Variants in MTAP observed in about 807,000 individuals in gnomAD.
The protein encoded by MTAP is methylthioadenosine phosphorylase.
Under a neutral mutation model 33.6 loss-of-function variants are expected in MTAP, and 33 were observed. That is an observed-to-expected ratio of 0.98 (90% CI 0.74 to 1.31). MTAP has a LOEUF of 1.31. Ranked by LOEUF, MTAP falls within the 40% of genes most tolerant of loss-of-function variation. The pLI is 0.00. For missense variants in MTAP, 367 were observed against 360.0 expected, an observed-to-expected ratio of 1.02 and a Z score of -0.16; for synonymous variants, 148 against 125.7, an observed-to-expected ratio of 1.18 and a Z score of -1.19.
chr9:21,831,335 G>T (rs1368885759), intron 4 of MTAP, among the ~76,000 whole-genome samples: 1 of 151,924 alleles, frequency 6.6e-6, no homozygotes, highest in Admixed American at 6.6e-5. Flanking sequence ...TGCCCACATT[G>T]TATTTTTTTG....
At chr9:21,909,627 C>T (rs1292340605) in intron 1 of MTAP, among the ~76,000 whole-genome samples, 1 of 152,018 alleles carries the variant, frequency 6.6e-6, no homozygotes, top group Non-Finnish European at 1.5e-5. Flanking sequence ...AGCCTAGATG[C>T]CCATTCAGTG....
rs116662661 is a variant in MTAP, at chr9:21,842,853, G to A, written c.450+4843G>A. 8.2e-3 allele frequency among the ~76,000 whole-genome samples: 1,246 copies of A among 152,210 alleles called. 13 individuals carry two copies. Among genetic ancestry groups the A allele is most frequent in the African/African-American group, 0.026 (1,090 of 41,536 alleles). Reference sequence around the variant, plus strand: ...ACCTATAAAACAATAATACAATGGTGAAAGAACAACGTCTTTAGGCAAAAG... The same window carrying A: ...ACCTATAAAACAATAATACAATGGTAAAAGAACAACGTCTTTAGGCAAAAG... On this transcript the variant is annotated intron_variant, in intron 5 of 7. Coordinates refer to ENST00000644715, the MANE Select transcript of MTAP (RefSeq NM_002451.4).
chr9:21,930,858 GGTTA>G (rs1456019317), intron 1 of MTAP: 4 of 649,258 alleles, frequency 6.2e-6, no homozygotes, highest in African/African-American at 5.5e-5. Flanking sequence ...AGCCTCTCGT[GGTTA>G]GTTAGATTGG....
At chr9:21,926,456 G>A (rs531087423) in intron 1 of MTAP, among the ~76,000 whole-genome samples, 6 of 152,174 alleles carry the variant, frequency 3.9e-5, no homozygotes, top group African/African-American at 1.4e-4. Context: ...TCTAGGAGAA[G>A]TACCCCCAGA....
At chr9:21,838,682 C>T (rs981136960) in intron 5 of MTAP, among the ~76,000 whole-genome samples, 1 of 152,182 alleles carries the variant, frequency 6.6e-6, no homozygotes, top group East Asian at 1.9e-4. Context: ...CCCACAAGGG[C>T]CAGTGGTGGT....
chr9:21,803,662 C>T (rs1403548056), intron 1 of MTAP, among the ~76,000 whole-genome samples: 1 of 152,014 alleles, frequency 6.6e-6, no homozygotes, highest in Non-Finnish European at 1.5e-5. Flanking sequence ...AATTACAGCA[C>T]GTAAAGAAAA....
chr9:21,833,078 A>C (rs759492966), intron 4 of MTAP, among the ~76,000 whole-genome samples: 2 of 152,210 alleles, frequency 1.3e-5, no homozygotes, highest in African/African-American at 2.4e-5. Context: ...ACTGGGATAT[A>C]AACATCCATT....
intron 1 of MTAP, among the ~76,000 whole-genome samples, chr9:21,814,757 CTGAG>C (rs1243947517): frequency 1.3e-5 from 2 of 152,160 alleles, no homozygotes; most frequent in Middle Eastern, 3.4e-3. Context: ...AATGTATTTA[CTGAG>C]TAATATACAT....
At chr9:21,889,033 A>C (rs926641710) in intron 1 of MTAP, among the ~76,000 whole-genome samples, 46 of 152,116 alleles carry the variant, frequency 3.0e-4, no homozygotes, top group Admixed American at 1.0e-3. Context: ...GATCTCTAGC[A>C]AAGCCAGGGA....
rs1011487766 is a variant in MTAP at position 21,915,255 on chromosome 9, A to AT, written c.148-15744dup. ...AGGCACCCGCCACCACGCCCGGCTAATTTTTTTTTGTATTTTTAGTAGAGA... is the reference window on the plus strand; with the variant it reads ...AGGCACCCGCCACCACGCCCGGCTAATTTTTTTTTTGTATTTTTAGTAGAGA... On this transcript the variant is annotated intron_variant, in intron 1 of 1. Transcript: ENST00000577563. Among the ~76,000 whole-genome samples, 80 of 149,464 alleles carry AT rather than the reference A, an allele frequency of 5.4e-4. No homozygotes were observed. The East Asian group carries it at 6.9e-3, about 13-fold the overall frequency.
chr9:21,900,340 T>A (rs1192221144), intron 1 of MTAP, among the ~76,000 whole-genome samples: 1 of 151,638 alleles, frequency 6.6e-6, no homozygotes, highest in African/African-American at 2.4e-5. Flanking sequence ...GAAAAAAATT[T>A]AAAAATGGGC....
chr9:21,825,070 C>T (rs1220875825), intron 4 of MTAP, among the ~76,000 whole-genome samples: 1 of 152,192 alleles, frequency 6.6e-6, no homozygotes, highest in Non-Finnish European at 1.5e-5. Flanking sequence ...ATGCCTCACC[C>T]TGCTTTGGCT....
At chr9:21,853,117 C>T (rs568050854) in intron 5 of MTAP, among the ~76,000 whole-genome samples, 96 of 152,208 alleles carry the variant, frequency 6.3e-4, no homozygotes, top group Non-Finnish European at 1.0e-3. Flanking sequence ...ATTTCTTCCT[C>T]CTCCTCATAA....
rs999916363 is a variant in MTAP at position 21,866,468 on chromosome 9, C to T, written c.*4454C>T. ...GCCTACTCATTTAATTACCTGTGTG[C>T]CCTTGTCAAAATCATTTAATTTTGA... On this transcript the variant is annotated 3_prime_UTR_variant, in exon 8 of 8. Coordinates refer to ENST00000644715, the MANE Select transcript of MTAP (RefSeq NM_002451.4). 9.9e-5 allele frequency: 15 copies of T among 151,902 alleles called. No homozygotes were observed. The highest frequency in any genetic ancestry group is 3.6e-4 in the African/African-American group (15 of 41,324). 9.4% of individuals were successfully genotyped at this position (151,902 alleles called of 1,614,324 possible).
At chr9:21,896,094 A>T (rs1420112599) in intron 1 of MTAP, among the ~76,000 whole-genome samples, 1 of 152,260 alleles carries the variant, frequency 6.6e-6, no homozygotes, top group African/African-American at 2.4e-5. Flanking sequence ...ACTAGAACTC[A>T]GGATTAAGAA....
intron 1 of MTAP, among the ~76,000 whole-genome samples, chr9:21,896,129 A>G (rs1053632101): frequency 6.6e-6 from 1 of 152,238 alleles, no homozygotes; most frequent in Non-Finnish European, 1.5e-5. Flanking sequence ...GCTCAACTAC[A>G]TGGAAACTGA....
intron 1 of MTAP, among the ~76,000 whole-genome samples, chr9:21,884,161 A>G (rs571423990): frequency 6.6e-6 from 1 of 152,316 alleles, no homozygotes; most frequent in African/African-American, 2.4e-5. Context: ...GTTGTAGACC[A>G]TATATTGCAG....
At chr9:21,819,928 A>G (rs1240919733) in intron 4 of MTAP, among the ~76,000 whole-genome samples, 3 of 152,222 alleles carry the variant, frequency 2.0e-5, no homozygotes, top group African/African-American at 7.2e-5. Flanking sequence ...TTTTGGCTGC[A>G]TAAATGTCTT....
At chr9:21,880,976 A>G (rs1181025847) in intron 1 of MTAP, among the ~76,000 whole-genome samples, 1 of 152,026 alleles carries the variant, frequency 6.6e-6, no homozygotes, top group Non-Finnish European at 1.5e-5. Flanking sequence ...AAAGAAAGAC[A>G]TTGGAAGTCT....
Sources: gnomAD v4.1 joint callset for allele counts (sites outside exome capture counted in the v4.1 genomes callset) on GRCh38, gnomAD v4.1.1 for gene constraint, MANE v1.5 for transcripts, NCBI Gene and HGNC (gene_info 2026-07-23, HGNC 2026-07-21) for gene names.